PPP3CA: variants seen among roughly 807,000 people sequenced by gnomAD.
The protein encoded by PPP3CA is protein phosphatase 3 catalytic subunit alpha, also known as CAM-PRP catalytic subunit.
In PPP3CA, 14 loss-of-function variants were observed where a neutral mutation model predicts 66.5. That is an observed-to-expected ratio of 0.21 (90% CI 0.14 to 0.33). The LOEUF (loss-of-function observed/expected upper bound fraction) is 0.33. PPP3CA is among the 10% of genes least tolerant of loss of function. The pLI, the probability that PPP3CA is intolerant of heterozygous loss-of-function variation, is 1.00. For synonymous variants in PPP3CA, 232 were observed against 226.2 expected, an observed-to-expected ratio of 1.03 and a Z score of -0.23; for missense variants, 317 against 639.5, an observed-to-expected ratio of 0.50 and a Z score of 5.44.
chr4:101,157,021 A>G (rs1164799868), intron 2 of PPP3CA, among the ~76,000 whole-genome samples: 2 of 152,208 alleles, frequency 1.3e-5, no homozygotes, highest in Non-Finnish European at 2.9e-5. Context: ...CATAATTTCA[A>G]GTTTTCCCAA....
chr4:101,328,009 T>C (rs1441431), intron 1 of PPP3CA, among the ~76,000 whole-genome samples: 16,170 of 152,154 alleles, frequency 0.11, 2,918 homozygotes, highest in African/African-American at 0.37. Flanking sequence ...AAAGAAAATA[T>C]GAACCTAAGC....
chr4:101,227,933 G>C (rs959164759), intron 1 of PPP3CA, among the ~76,000 whole-genome samples: 1 of 151,558 alleles, frequency 6.6e-6, no homozygotes, highest in Non-Finnish European at 1.5e-5. Context: ...AGTATTCCAT[G>C]GTGTTTATTT....
At chr4:101,062,169 C>T (rs1310409201) in intron 9 of PPP3CA, among the ~76,000 whole-genome samples, 2 of 152,086 alleles carry the variant, frequency 1.3e-5, no homozygotes, top group Non-Finnish European at 2.9e-5. Context: ...TCAGCATCCA[C>T]ACTGCTTCTG....
At chr4:101,194,432 AT>A (rs2110189062) in intron 2 of PPP3CA, among the ~76,000 whole-genome samples, 1 of 152,010 alleles carries the variant, frequency 6.6e-6, no homozygotes, top group South Asian at 2.1e-4. Flanking sequence ...AAAGAACACT[AT>A]TCTATGTCTA....
At chr4:101,171,350 CA>C (rs35058537) in intron 2 of PPP3CA, 5,055 of 190,632 alleles carry the variant, frequency 0.027, 13 homozygotes, top group South Asian at 0.046. Context: ...ACAATTCTTT[CA>C]AAAAAAAAAA....
At chr4:101,204,572 C>A (rs1242852910) in intron 1 of PPP3CA, among the ~76,000 whole-genome samples, 37 of 144,466 alleles carry the variant, frequency 2.6e-4, no homozygotes, top group African/African-American at 8.7e-4. Flanking sequence ...GGAAGCGGAG[C>A]ATGTAGTGAG....
chr4:101,308,890 C>T, intron 1 of PPP3CA, among the ~76,000 whole-genome samples: 1 of 152,122 alleles, frequency 6.6e-6, no homozygotes, highest in Non-Finnish European at 1.5e-5. Context: ...AAAAAGGAAT[C>T]CAGAGTTTTC....
intron 9 of PPP3CA, among the ~76,000 whole-genome samples, chr4:101,061,603 G>A (rs1728463321): frequency 1.3e-5 from 2 of 152,082 alleles, no homozygotes; most frequent in African/African-American, 4.8e-5. Flanking sequence ...TTATAGGCAT[G>A]TGGTTTTGTG....
intron 1 of PPP3CA, among the ~76,000 whole-genome samples, chr4:101,254,663 T>G (rs1726783367): frequency 6.6e-6 from 1 of 151,954 alleles, no homozygotes; most frequent in Admixed American, 6.6e-5. Flanking sequence ...GAACATTATC[T>G]AAATGGACTC....
At chr4:101,066,809 A>C (rs988281521) in intron 8 of PPP3CA, among the ~76,000 whole-genome samples, 1 of 152,108 alleles carries the variant, frequency 6.6e-6, no homozygotes, top group Admixed American at 6.6e-5. Context: ...GGGATTACAA[A>C]ACCCAACTGG....
At chr4:101,222,039 T>C (rs58964732) in intron 1 of PPP3CA, among the ~76,000 whole-genome samples, 9,479 of 151,656 alleles carry the variant, frequency 0.063, 922 homozygotes, top group African/African-American at 0.21. Context: ...ATTTTTCTTA[T>C]TACTTCTCAT....
intron 2 of PPP3CA, among the ~76,000 whole-genome samples, chr4:101,174,201 C>G (rs1326804862): frequency 6.6e-6 from 1 of 151,838 alleles, no homozygotes; most frequent in African/African-American, 2.4e-5. Flanking sequence ...TTTTAATATA[C>G]TATGGCTCTA....
intron 12 of PPP3CA, among the ~76,000 whole-genome samples, 197 bp from the exon 13 acceptor site, chr4:101,029,392 A>G (rs1726834268): frequency 6.6e-6 from 1 of 151,038 alleles, no homozygotes; most frequent in African/African-American, 2.4e-5. Flanking sequence ...TGCCACAGAA[A>G]TTATAAATTT....
chr4:101,047,374 C>T (rs946305881), intron 10 of PPP3CA, among the ~76,000 whole-genome samples: 6 of 152,018 alleles, frequency 3.9e-5, no homozygotes, highest in African/African-American at 1.5e-4. Context: ...ATTCCCATTC[C>T]ATGTTTAAAT....
intron 3 of PPP3CA, among the ~76,000 whole-genome samples, chr4:101,101,837 T>C (rs1212256325): frequency 6.6e-6 from 1 of 152,180 alleles, no homozygotes; most frequent in Non-Finnish European, 1.5e-5. Context: ...TTTAGATTAG[T>C]TTTGCCTGTA....
chr4:101,223,216 G>A (rs1229105930), intron 1 of PPP3CA, among the ~76,000 whole-genome samples: 3 of 151,878 alleles, frequency 2.0e-5, no homozygotes, highest in East Asian at 3.9e-4. Flanking sequence ...CTAGGTGAGA[G>A]AGGTAATTAA....
At chr4:101,278,873 G>C (rs1727595497) in intron 1 of PPP3CA, among the ~76,000 whole-genome samples, 1 of 152,106 alleles carries the variant, frequency 6.6e-6, no homozygotes, top group South Asian at 2.1e-4. Flanking sequence ...AAAACTTTCT[G>C]AGCTTTAACT....
At chr4:101,128,936 G>T (rs1490327697) in intron 2 of PPP3CA, among the ~76,000 whole-genome samples, 1 of 152,114 alleles carries the variant, frequency 6.6e-6, no homozygotes, top group Non-Finnish European at 1.5e-5. Context: ...AAACCAGGGA[G>T]CCAAGTGGTC....
At chr4:101,070,007 T>C (rs1010975662) in intron 8 of PPP3CA, among the ~76,000 whole-genome samples, 3 of 152,162 alleles carry the variant, frequency 2.0e-5, no homozygotes, top group African/African-American at 7.2e-5. Context: ...CTGATTGCAG[T>C]GGGGGTTGGC....
Sources: allele counts gnomAD v4.1 joint callset (sites outside exome capture counted in the v4.1 genomes callset), GRCh38; gene constraint gnomAD v4.1.1; transcripts MANE v1.5; gene names NCBI Gene and HGNC (gene_info 2026-07-23, HGNC 2026-07-21).